Variants in NEGR1 observed in about 807,000 individuals in gnomAD.
The protein encoded by NEGR1 is neuronal growth regulator 1.
Under a neutral mutation model 40.9 loss-of-function variants are expected in NEGR1, and 10 were observed. That is an observed-to-expected ratio of 0.24 (90% CI 0.15 to 0.42). The LOEUF (loss-of-function observed/expected upper bound fraction) is 0.42, where lower values mean the gene tolerates loss of function less well. NEGR1 is among the 10% of genes least tolerant of loss of function. The pLI is 1.00. For missense variants in NEGR1, 352 were observed against 438.9 expected (o/e 0.80, Z 1.77); for synonymous variants, 185 against 166.8 (o/e 1.11, Z -0.84).
intron 1 of NEGR1, among the ~76,000 whole-genome samples, chr1:72,109,519 T>C (rs1272485711): frequency 1.3e-5 from 2 of 151,728 alleles, no homozygotes; most frequent in African/African-American, 2.4e-5. Flanking sequence ...ATGGTATCTT[T>C]TGAGACAAAT....
chr1:72,247,784 T>C (rs1654948540), intron 1 of NEGR1, among the ~76,000 whole-genome samples: 1 of 152,166 alleles, frequency 6.6e-6, no homozygotes, highest in Non-Finnish European at 1.5e-5. Context: ...ACAGTACCAA[T>C]TTTCTGTATT....
Position 71,857,762 on chromosome 1 carries a change from T to C in NEGR1, c.409+77317A>G, listed in dbSNP as rs564001894. ...TGGTGCTTTTATTATCTTTTGACTG[T>C]GATATATTAATTCTATTTAGCTTGG... is the stretch of plus-strand genomic sequence containing the variant. On this transcript the variant is annotated intron_variant, in intron 2 of 6. Transcript: ENST00000357731. Among the ~76,000 whole-genome samples the C allele has an allele frequency of 1.5e-4, 23 of 152,000 alleles. 1 individual carries two copies. In the East Asian group the frequency reaches 4.5e-3, roughly 29 times the overall value.
At chr1:71,491,223 G>A (rs888708848) in intron 6 of NEGR1, among the ~76,000 whole-genome samples, 3 of 151,968 alleles carry the variant, frequency 2.0e-5, no homozygotes, top group Non-Finnish European at 4.4e-5. Context: ...GGCATTATAA[G>A]TAGTCAAGAG....
chr1:71,724,754 C>A (rs1385507189), intron 3 of NEGR1, among the ~76,000 whole-genome samples: 1 of 152,120 alleles, frequency 6.6e-6, no homozygotes, highest in Non-Finnish European at 1.5e-5. Flanking sequence ...TTGTGTAATT[C>A]TCCAGCCTCT....
chr1:72,060,036 C>A (rs1026698754), intron 1 of NEGR1, among the ~76,000 whole-genome samples: 1 of 151,574 alleles, frequency 6.6e-6, no homozygotes, highest in Non-Finnish European at 1.5e-5. Context: ...ATCTTGCAGT[C>A]CTCTGACAAA....
At chr1:71,438,589 A>G (rs1646526032) in intron 6 of NEGR1, among the ~76,000 whole-genome samples, 1 of 152,200 alleles carries the variant, frequency 6.6e-6, no homozygotes, top group South Asian at 2.1e-4. Flanking sequence ...TTTAGGTCGA[A>G]AAAGCACTTA....
At chr1:72,025,491 C>A (rs999536243) in intron 1 of NEGR1, among the ~76,000 whole-genome samples, 4 of 152,282 alleles carry the variant, frequency 2.6e-5, no homozygotes, top group African/African-American at 9.6e-5. Flanking sequence ...TAAGGAACAA[C>A]TTCCGTGTTT....
At chr1:71,842,094 A>G (rs969069814) in intron 2 of NEGR1, among the ~76,000 whole-genome samples, 1 of 152,174 alleles carries the variant, frequency 6.6e-6, no homozygotes, top group Non-Finnish European at 1.5e-5. Flanking sequence ...GATGATTGGT[A>G]ATAGACATTT....
Position 71,749,698 on chromosome 1 carries a change from A to T in NEGR1, c.535+26474T>A, listed in dbSNP as rs368179857. Among the ~76,000 whole-genome samples the T allele has an allele frequency of 1.5e-4, 23 of 152,296 alleles. No individual in the cohort carries two copies. In the East Asian group the frequency reaches 4.3e-3, roughly 28 times the overall value. On this transcript the variant is annotated intron_variant, in intron 3 of 6. Transcript: ENST00000357731. ...TCCATTTCATGGAACTTGATCAGAT[A>T]GTTCCAATGTCACTTTTTCATTATT...
intron 1 of NEGR1, among the ~76,000 whole-genome samples, chr1:72,032,558 T>G (rs895445687): frequency 1.1e-4 from 17 of 152,184 alleles, no homozygotes; most frequent in African/African-American, 4.1e-4. Context: ...CCCAAGTTAA[T>G]AGTTGAGTTT....
chr1:71,940,481 C>G (rs1349576506), intron 1 of NEGR1, among the ~76,000 whole-genome samples: 1 of 152,168 alleles, frequency 6.6e-6, no homozygotes, highest in Non-Finnish European at 1.5e-5. Context: ...AAACATCTGG[C>G]TATTGGAAAA....
intron 2 of NEGR1, among the ~76,000 whole-genome samples, chr1:71,905,295 C>T (rs1177281844): frequency 6.6e-6 from 1 of 151,806 alleles, no homozygotes; most frequent in Non-Finnish European, 1.5e-5. Flanking sequence ...TAAAAAGTTT[C>T]AAATAAATTA....
chr1:71,587,739 A>C (rs1311249645), intron 6 of NEGR1, among the ~76,000 whole-genome samples: 1 of 152,018 alleles, frequency 6.6e-6, no homozygotes, highest in Non-Finnish European at 1.5e-5. Flanking sequence ...ACTACAGTAA[A>C]GGATTTGACA....
chr1:71,707,266 CCA>C (rs1375268648), intron 3 of NEGR1, among the ~76,000 whole-genome samples: 3 of 152,118 alleles, frequency 2.0e-5, no homozygotes, highest in African/African-American at 7.2e-5. Context: ...AGAGGGGAGC[CCA>C]CTGCCCTCAA....
At chr1:72,177,948 C>T (rs1652236943) in intron 1 of NEGR1, among the ~76,000 whole-genome samples, 1 of 151,848 alleles carries the variant, frequency 6.6e-6, no homozygotes, top group Admixed American at 6.6e-5. Context: ...TTTTTAGATC[C>T]TAAATATGGG....
chr1:71,991,082 A>G (rs1291606848), intron 1 of NEGR1, among the ~76,000 whole-genome samples: 1 of 152,048 alleles, frequency 6.6e-6, no homozygotes, highest in Non-Finnish European at 1.5e-5. Flanking sequence ...TCTAGAAGCC[A>G]TCATTTTCTT....
intron 1 of NEGR1, among the ~76,000 whole-genome samples, chr1:72,042,821 T>G (rs534380024): frequency 6.6e-6 from 1 of 152,108 alleles, no homozygotes; most frequent in East Asian, 1.9e-4. Flanking sequence ...CCAGGATGCT[T>G]TTATTACCTT....
intron 4 of NEGR1, among the ~76,000 whole-genome samples, chr1:71,633,129 G>A (rs563005100): frequency 2.0e-5 from 3 of 151,966 alleles, no homozygotes; most frequent in African/African-American, 4.8e-5. Flanking sequence ...AATTTAATAT[G>A]TAACACTCTC....
chr1:72,163,046 A>G (rs2100379129), intron 1 of NEGR1, among the ~76,000 whole-genome samples: 1 of 152,168 alleles, frequency 6.6e-6, no homozygotes, highest in African/African-American at 2.4e-5. Context: ...TTCAGTTTTT[A>G]TTTATTAAAT....
Sources: gnomAD v4.1 joint callset for allele counts (sites outside exome capture counted in the v4.1 genomes callset) on GRCh38, gnomAD v4.1.1 for gene constraint, MANE v1.5 for transcripts, NCBI Gene and HGNC (gene_info 2026-07-23, HGNC 2026-07-21) for gene names.